The following SPDYE10 variants were observed in gnomAD, a reference collection of about 807,000 sequenced individuals.
SPDYE10 encodes speedy/RINGO cell cycle regulator family member E10.
the SPDYE10 span, among the ~76,000 whole-genome samples, chr7:73,113,780 A>G: frequency 6.6e-6 from 1 of 152,016 alleles, no homozygotes; most frequent in Non-Finnish European, 1.5e-5. Context: ...TCATGCCTGT[A>G]ATCCCAGCAC....
At chr7:73,137,626 G>GAA in the SPDYE10 span, among the ~76,000 whole-genome samples, 1 of 135,978 alleles carries the variant, frequency 7.4e-6, no homozygotes, top group African/African-American at 3.1e-5. Context: ...AAGAAAGAAA[G>GAA]AAAGAAAGAA....
chr7:73,117,026 G>T, the SPDYE10 span, among the ~76,000 whole-genome samples: 179 of 152,024 alleles, frequency 1.2e-3, no homozygotes, highest in Non-Finnish European at 2.0e-3. Flanking sequence ...CTCCCAAGTA[G>T]CTGAGAGTAC....
the SPDYE10 span, among the ~76,000 whole-genome samples, chr7:73,123,788 C>CCTCTCTCTCTCTCTCTCTCTCTCTCT: frequency 1.0e-3 from 99 of 97,426 alleles, 1 homozygote; most frequent in Admixed American, 1.1e-3. Context: ...TCTCTCTCTC[C>CCTCTCTCTCTCTCTCTCTCTCTCTCT]CTCTCTCTCT....
the SPDYE10 span, among the ~76,000 whole-genome samples, chr7:73,113,889 G>C: frequency 6.6e-6 from 1 of 152,024 alleles, no homozygotes; most frequent in Non-Finnish European, 1.5e-5. Flanking sequence ...AGCCAGGCAT[G>C]GTTGCGGGCA....
chr7:73,144,865 AAT>A, the SPDYE10 span, among the ~76,000 whole-genome samples: 56 of 93,748 alleles, frequency 6.0e-4, no homozygotes, highest in Admixed American at 1.7e-3. Context: ...ACAAAAAAAA[AAT>A]TAACTGGGCA....
chr7:73,139,628 TTTG>T, the SPDYE10 span, among the ~76,000 whole-genome samples: 1 of 150,958 alleles, frequency 6.6e-6, no homozygotes, highest in Non-Finnish European at 1.5e-5. Context: ...CTGGCCTTTT[TTTG>T]TTTTTGTTTG....
At chr7:73,137,601 A>AGAAG in the SPDYE10 span, among the ~76,000 whole-genome samples, 2 of 74,404 alleles carry the variant, frequency 2.7e-5, no homozygotes, top group South Asian at 4.0e-4. Context: ...GATGAAAGAA[A>AGAAG]GAAAGAAAGA....
chr7:73,113,251 C>T, the SPDYE10 span, among the ~76,000 whole-genome samples: 1 of 3,612 alleles, frequency 2.8e-4, no homozygotes, highest in East Asian at 3.0e-3. Context: ...CAGCTGTGCA[C>T]AGTGGCTCAT....
the SPDYE10 span, among the ~76,000 whole-genome samples, chr7:73,134,370 G>C: frequency 2.0e-5 from 3 of 148,152 alleles, no homozygotes; most frequent in African/African-American, 7.7e-5. Context: ...AGGGCCTGTT[G>C]TGCGGTGGAG....
chr7:73,127,407 A>T, the SPDYE10 span, among the ~76,000 whole-genome samples: 4 of 123,674 alleles, frequency 3.2e-5, no homozygotes, highest in Non-Finnish European at 1.8e-5. Context: ...AAAAAAAAAA[A>T]AATTAGCCAG....
At chr7:73,117,087 G>T in the SPDYE10 span, among the ~76,000 whole-genome samples, 3 of 144,266 alleles carry the variant, frequency 2.1e-5, no homozygotes, top group Admixed American at 6.8e-5. Context: ...TTTTGTTGTT[G>T]TTGTTTTTTA....
At chr7:73,146,091 C>T in the SPDYE10 span, among the ~76,000 whole-genome samples, 1 of 1,858 alleles carries the variant, frequency 5.4e-4, no homozygotes, top group Non-Finnish European at 1.3e-3. Context: ...GGATTATAGG[C>T]GCCCGCCACA....
the SPDYE10 span, among the ~76,000 whole-genome samples, chr7:73,135,185 C>A: frequency 6.6e-6 from 1 of 152,052 alleles, no homozygotes. Context: ...TTCCTCCTAA[C>A]CTCCTCTAGC....
the SPDYE10 span, among the ~76,000 whole-genome samples, chr7:73,138,417 C>T: frequency 6.6e-6 from 1 of 151,428 alleles, no homozygotes; most frequent in African/African-American, 2.5e-5. Flanking sequence ...CTCAAGTCAC[C>T]AGGCTGGATG....
At chr7:73,123,500 C>T in the SPDYE10 span, among the ~76,000 whole-genome samples, 2 of 152,340 alleles carry the variant, frequency 1.3e-5, no homozygotes, top group Non-Finnish European at 2.9e-5. Context: ...GAGTTTTGCT[C>T]TTGTCGCCCA....
chr7:73,149,442 C>A, the SPDYE10 span, among the ~76,000 whole-genome samples: 4 of 143,126 alleles, frequency 2.8e-5, no homozygotes, highest in African/African-American at 1.1e-4. Flanking sequence ...TGCCCGTCAC[C>A]ATGCCCGGCT....
chr7:73,134,652 A>G, the SPDYE10 span, among the ~76,000 whole-genome samples: 3 of 152,376 alleles, frequency 2.0e-5, no homozygotes, highest in South Asian at 6.2e-4. Context: ...ACTTGAGGTC[A>G]GGAGTTCAAG....
the SPDYE10 span, among the ~76,000 whole-genome samples, chr7:73,134,723 T>A: frequency 6.6e-6 from 1 of 152,244 alleles, no homozygotes; most frequent in East Asian, 1.9e-4. Flanking sequence ...TTAGCCAGGC[T>A]TGGTGGCATG....
At chr7:73,149,566 C>T in the SPDYE10 span, among the ~76,000 whole-genome samples, 5 of 151,730 alleles carry the variant, frequency 3.3e-5, no homozygotes, top group East Asian at 3.9e-4. Flanking sequence ...GGATTACAGG[C>T]GTGAGCCATT....
Sources: gnomAD v4.1 joint callset for allele counts (sites outside exome capture counted in the v4.1 genomes callset) on GRCh38, gnomAD v4.1.1 for gene constraint, MANE v1.5 for transcripts, NCBI Gene and HGNC (gene_info 2026-07-23, HGNC 2026-07-21) for gene names.